Variants in DGKH observed in about 807,000 individuals in gnomAD.
The protein encoded by DGKH is diacylglycerol kinase eta, also known as DAG kinase eta.
A neutral mutation model predicts 159.3 loss-of-function variants in DGKH; 90 were observed. The ratio of observed to expected loss-of-function variants is 0.57; its 90% CI spans 0.48 to 0.67. The LOEUF is 0.67. Ranked by LOEUF, DGKH falls within the 30% of genes least tolerant of loss-of-function variation. DGKH has a pLI of 0.00. For synonymous variants in DGKH, 536 were observed against 553.8 expected, an observed-to-expected ratio of 0.97 and a Z score of 0.45; for missense variants, 1,181 against 1,506.1, an observed-to-expected ratio of 0.78 and a Z score of 3.57.
rs184437375 is a variant in DGKH, at chr13:42,122,562, A to G, written c.193-4901A>G. Among the ~76,000 whole-genome samples the G allele has an allele frequency of 1.4e-3, 212 of 152,310 alleles. 1 individual carries two copies. Among genetic ancestry groups the G allele is most frequent in the South Asian group, 9.1e-3 (44 of 4,824 alleles). On this transcript the variant is annotated intron_variant, in intron 1 of 29. Transcript: ENST00000337343. ...CATTAATCTATGTATGGATTAATCC[A>G]TTCATGCAGGCAGAGCACTCATGAC... is the stretch of plus-strand genomic sequence containing the variant.
chr13:42,152,608 A>C (rs9533017), intron 3 of DGKH, among the ~76,000 whole-genome samples: 140,707 of 150,016 alleles, frequency 0.94, 66,372 homozygotes, highest in Non-Finnish European at 0.98. Context: ...TTGTCATGTC[A>C]TTTTCCCATG....
At chr13:42,193,774 C>G (rs1444755579) in intron 16 of DGKH, among the ~76,000 whole-genome samples, 2 of 151,992 alleles carry the variant, frequency 1.3e-5, no homozygotes, top group Non-Finnish European at 2.9e-5. Flanking sequence ...TTGAATGAGA[C>G]AATAGAGTGT....
intron 1 of DGKH, among the ~76,000 whole-genome samples, chr13:42,080,924 T>C (rs1310831306): frequency 2.0e-5 from 3 of 152,146 alleles, no homozygotes; most frequent in Admixed American, 6.5e-5. Flanking sequence ...TCATATCACT[T>C]TACAGGCGAG....
chr13:42,088,533 G>A (rs927091646), intron 1 of DGKH, among the ~76,000 whole-genome samples: 1 of 152,002 alleles, frequency 6.6e-6, no homozygotes, highest in African/African-American at 2.4e-5. Context: ...TACTGTAACC[G>A]AAGAGAAAAT....
At chr13:42,197,267 AAAAG>A (rs1555274107) in intron 17 of DGKH, among the ~76,000 whole-genome samples, 3 of 135,402 alleles carry the variant, frequency 2.2e-5, no homozygotes, top group Non-Finnish European at 3.2e-5. Flanking sequence ...AAAAAAAAAA[AAAAG>A]AAAGAAAATA....
At chr13:42,254,338 G>A (rs1958642306) in intron 30 of DGKH, among the ~76,000 whole-genome samples, 1 of 152,124 alleles carries the variant, frequency 6.6e-6, no homozygotes, top group Non-Finnish European at 1.5e-5. Flanking sequence ...TTAAAACAAT[G>A]GATATATGGC....
chr13:42,150,583 A>G (rs1047671583), intron 3 of DGKH, among the ~76,000 whole-genome samples: 2 of 152,226 alleles, frequency 1.3e-5, no homozygotes, highest in African/African-American at 4.8e-5. Flanking sequence ...CTGTTTATTT[A>G]TCAAAATCAG....
intron 3 of DGKH, among the ~76,000 whole-genome samples, chr13:42,150,331 G>A (rs761920186): frequency 2.6e-4 from 39 of 152,148 alleles, no homozygotes; most frequent in Non-Finnish European, 5.4e-4. Context: ...CTACGTGGAG[G>A]AGCCTGAGAA....
At chr13:42,077,611 C>T (rs1954124617) in intron 1 of DGKH, among the ~76,000 whole-genome samples, 1 of 152,166 alleles carries the variant, frequency 6.6e-6, no homozygotes, top group South Asian at 2.1e-4. Context: ...CTATGCTTGG[C>T]CCTGGCCTTG....
Position 42,054,940 on chromosome 13 carries a change from G to A in DGKH, c.192+5975G>A, listed in dbSNP as rs368654871. 1.1e-4 allele frequency among the ~76,000 whole-genome samples: 17 copies of A among 152,300 alleles called. 1 individual carries two copies. In the East Asian group the frequency reaches 2.5e-3, roughly 22 times the overall value. On this transcript the variant is annotated intron_variant, in intron 1 of 29. Coordinates refer to ENST00000337343, the MANE Select transcript of DGKH (RefSeq NM_178009.5). ...GTCATTGTAGCATAAAACAGCCATA[G>A]ACAATACTTTAAGTGTTGCTGTGTT... is the stretch of plus-strand genomic sequence containing the variant.
rs547254285 is a variant in DGKH, at chr13:42,237,017, T to TA, written c.*7830dup. 3 of 152,334 alleles carry TA rather than the reference T, an allele frequency of 2.0e-5. No individual in the cohort carries two copies. Among genetic ancestry groups the TA allele is most frequent in the Non-Finnish European group, 4.4e-5 (3 of 68,030 alleles). The allele number at this position is 152,334 out of a possible 1,614,324, so 9.4% of individuals were successfully genotyped here. On this transcript the variant is annotated 3_prime_UTR_variant, in exon 30 of 30. Coordinates refer to ENST00000337343, the MANE Select transcript of DGKH (RefSeq NM_178009.5). ...CATTTGGTTCTGGGATAGTAACCGTTATGGATAATTGTTTGTTTCTGTCAA... is the reference window on the plus strand; with the variant it reads ...CATTTGGTTCTGGGATAGTAACCGTTAATGGATAATTGTTTGTTTCTGTCAA...
Position 42,207,125 on chromosome 13 carries a change from C to CT in DGKH, c.2601+979_2601+980insT, listed in dbSNP as rs1566192525. ...TCTTTCTTTCTTTCTCTTTCTCTCT[C>CT]CTTCCTTCCTTCCTTCCTTCCTTCC... On this transcript the variant is annotated intron_variant, in intron 21 of 29. Coordinates refer to ENST00000337343, the MANE Select transcript of DGKH (RefSeq NM_178009.5). Among the ~76,000 whole-genome samples, 74 of 29,750 alleles carry CT rather than the reference C, an allele frequency of 2.5e-3. 9 individuals are homozygous for CT. Among genetic ancestry groups the CT allele is most frequent in the East Asian group, 0.014 (14 of 1,016 alleles). The allele number at this position is 29,750 out of a possible 152,430, so 19.5% of individuals were successfully genotyped here. A position where few individuals can be genotyped will look rare whatever the true frequency, so the allele number is the denominator to read the frequency against.
chr13:42,245,567 G>T (rs972209962), downstream of DGKH, among the ~76,000 whole-genome samples: 3 of 152,042 alleles, frequency 2.0e-5, no homozygotes, highest in African/African-American at 4.8e-5. Context: ...CCCTTTAAAA[G>T]CAGGTCACTA....
At chr13:42,182,980 A>G (rs1263506731) in intron 13 of DGKH, among the ~76,000 whole-genome samples, 1 of 151,886 alleles carries the variant, frequency 6.6e-6, no homozygotes, top group Non-Finnish European at 1.5e-5. Context: ...CATTTGAGTG[A>G]TATCTCTTTA....
intron 13 of DGKH, among the ~76,000 whole-genome samples, chr13:42,179,490 G>A (rs1037435047): frequency 1.3e-5 from 2 of 152,116 alleles, no homozygotes; most frequent in African/African-American, 4.8e-5. Context: ...GATTGTATTT[G>A]AACCAGGTAC....
At chr13:42,173,766 G>A (rs1950223867) in intron 11 of DGKH, among the ~76,000 whole-genome samples, 2 of 152,118 alleles carry the variant, frequency 1.3e-5, no homozygotes, top group Admixed American at 6.5e-5. Context: ...GCGTTGTAAC[G>A]TGTGGATTTC....
chr13:42,079,210 C>A (rs947268347), intron 1 of DGKH, among the ~76,000 whole-genome samples: 1 of 152,034 alleles, frequency 6.6e-6, no homozygotes, highest in Non-Finnish European at 1.5e-5. Flanking sequence ...GCCACCATGC[C>A]TGGCCCAAGA....
rs1313395907 is a variant in DGKH, at chr13:42,108,680, T to A, written c.193-18783T>A. On this transcript the variant is annotated intron_variant, in intron 1 of 29. Transcript: ENST00000337343. ...AATGGAGCTGGAGTGAAAATGAGAA[T>A]AAATACAGAAATTTATTTTAGGAGT... is the stretch of plus-strand genomic sequence containing the variant. Among the ~76,000 whole-genome samples the A allele has an allele frequency of 2.6e-5, 4 of 152,284 alleles. No homozygotes were observed. In the East Asian group the frequency reaches 7.7e-4, roughly 29 times the overall value.
chr13:42,160,579 T>C (rs539632556), intron 7 of DGKH, among the ~76,000 whole-genome samples: 1 of 152,300 alleles, frequency 6.6e-6, no homozygotes, highest in East Asian at 1.9e-4. Flanking sequence ...AGCTGATTAT[T>C]TATGCCAGAT....
Sources: allele counts gnomAD v4.1 joint callset (sites outside exome capture counted in the v4.1 genomes callset), GRCh38; gene constraint gnomAD v4.1.1; transcripts MANE v1.5; gene names NCBI Gene and HGNC (gene_info 2026-07-23, HGNC 2026-07-21).